CAPN9: variants seen among roughly 807,000 people sequenced by gnomAD.
CAPN9 encodes the protein calpain 9, also known as calpain-9.
Under a neutral mutation model 92.8 loss-of-function variants are expected in CAPN9, and 81 were observed. That is an observed-to-expected ratio of 0.87 (90% CI 0.73 to 1.05). CAPN9 has a LOEUF of 1.05. Among genes scored for constraint, CAPN9 ranks in the 50% least tolerant of loss-of-function variants. The pLI is 0.00. For missense variants in CAPN9, 848 were observed against 866.2 expected (o/e 0.98, Z 0.26); for synonymous variants, 304 against 328.0 (o/e 0.93, Z 0.79).
intron 3 of CAPN9, 21 bp downstream of exon 3, chr1:230,759,651 A>G (rs755297708): frequency 1.3e-6 from 2 of 1,544,154 alleles, no homozygotes; most frequent in East Asian, 4.5e-5. Flanking sequence ...GCCCTGGGCC[A>G]GTGGGTTTAC....
intron 13 of CAPN9, among the ~76,000 whole-genome samples, chr1:230,788,218 A>G (rs925633359): frequency 6.6e-6 from 1 of 152,142 alleles, no homozygotes; most frequent in African/African-American, 2.4e-5. Context: ...CTCTGCCTGA[A>G]AATCACTGCC....
At chr1:230,780,081 C>CGT (rs59033537) in intron 9 of CAPN9, 98 bp from the exon 10 acceptor site, 12,352 of 645,622 alleles carry the variant, frequency 0.019, 119 homozygotes, top group African/African-American at 0.059. Context: ...GGTGTATGTG[C>CGT]GTGTGTGTGT....
At chr1:230,795,347 G>T (rs1668282511) in intron 18 of CAPN9, 68 bp downstream of exon 18, 5 of 906,940 alleles carry the variant, frequency 5.5e-6, no homozygotes, top group Non-Finnish European at 7.3e-6. Flanking sequence ...ATGAGCGCAT[G>T]AGAAACAGCC....
rs544515839 is a variant in CAPN9 at position 230,767,314 on chromosome 1, T to C, written c.537-227T>C. On this transcript the variant is annotated intron_variant, in intron 4 of 19. Coordinates refer to ENST00000271971, the MANE Select transcript of CAPN9 (RefSeq NM_006615.3). Reference sequence around the variant, plus strand: ...CTCAGGCACCAGAGCTGCTGCTCTATACCACCACACCACACTGCCTCCCTT... The same window carrying C: ...CTCAGGCACCAGAGCTGCTGCTCTACACCACCACACCACACTGCCTCCCTT... Among the ~76,000 whole-genome samples, 63 of 152,296 alleles carry C rather than the reference T, an allele frequency of 4.1e-4. 1 individual carries two copies. Among genetic ancestry groups the C allele is most frequent in the Middle Eastern group, 3.4e-3 (1 of 294 alleles).
At position 230,779,037 on chromosome 1, in the gene CAPN9, G is replaced by A. The variant is rs759012112; in HGVS notation, c.1018G>A (p.Ala340Thr). 1 of 1,613,266 alleles carries A rather than the reference G, an allele frequency of 6.2e-7. No homozygotes were observed. Among genetic ancestry groups the A allele is most frequent in the Non-Finnish European group, 8.5e-7 (1 of 1,179,712 alleles). The change falls in exon 9 of 20, where the codon GCC (alanine) becomes ACC (threonine). Residue 340 changes from alanine (A) to threonine (T), a missense_variant. Ala to Thr is a moderately conservative substitution (Grantham distance 58, BLOSUM62 0). Transcript: ENST00000271971. ...KVEICNLTPD[A>T]LEEDAIHKWE... The stretch of plus-strand genomic sequence containing the variant: ...GGAGATCTGCAACCTCACTCCCGAT[G>A]CCCTGGAGGAAGACGCGATCCACAA...
chr1:230,777,313 C>A (rs1222824440), intron 8 of CAPN9, among the ~76,000 whole-genome samples: 2 of 151,988 alleles, frequency 1.3e-5, no homozygotes, highest in Non-Finnish European at 2.9e-5. Context: ...AAGGAGCAGC[C>A]CCAACACCAG....
chr1:230,797,086 T>C (rs1668403791), intron 18 of CAPN9, among the ~76,000 whole-genome samples: 1 of 152,102 alleles, frequency 6.6e-6, no homozygotes, highest in African/African-American at 2.4e-5. Flanking sequence ...TCTCCAGGGG[T>C]GCCTAAAGAA....
chr1:230,781,667 T>C (rs1667234251), intron 11 of CAPN9, among the ~76,000 whole-genome samples: 1 of 152,178 alleles, frequency 6.6e-6, no homozygotes, highest in Non-Finnish European at 1.5e-5. Context: ...TTCTAAAGAT[T>C]AAGGAGAACG....
At chr1:230,747,752 G>A in intron 1 of CAPN9, 43 bp downstream of exon 1, 1 of 1,583,710 alleles carries the variant, frequency 6.3e-7, no homozygotes, top group East Asian at 2.2e-5. Flanking sequence ...TGAGGCCGAG[G>A]TTCAGCAGCC....
At chr1:230,757,574 C>A (rs182029150) in intron 2 of CAPN9, among the ~76,000 whole-genome samples, 1 of 152,012 alleles carries the variant, frequency 6.6e-6, no homozygotes, top group Non-Finnish European at 1.5e-5. Context: ...TGATCTGTTG[C>A]CACCCACAAT....
chr1:230,794,976 C>A (rs1415183073), intron 17 of CAPN9, 187 bp from the exon 18 acceptor site: 1 of 569,354 alleles, frequency 1.8e-6, no homozygotes, highest in Non-Finnish European at 3.2e-6. Flanking sequence ...CAGATTCACA[C>A]TCTCACGCTG....
chr1:230,767,733 T>C (rs1168977855), intron 5 of CAPN9, 24 bp downstream of exon 5: 2 of 1,607,904 alleles, frequency 1.2e-6, no homozygotes, highest in East Asian at 2.2e-5. Context: ...GGGCTCCCAT[T>C]CCAGGCACTA....
At chr1:230,760,409 CT>C (rs1665558228) in intron 3 of CAPN9, among the ~76,000 whole-genome samples, 1 of 152,130 alleles carries the variant, frequency 6.6e-6, no homozygotes, top group Non-Finnish European at 1.5e-5. Flanking sequence ...GTAGGCATTC[CT>C]TGACCTTCCA....
intron 4 of CAPN9, among the ~76,000 whole-genome samples, chr1:230,766,100 T>C (rs1190217064): frequency 2.0e-5 from 3 of 151,938 alleles, no homozygotes; most frequent in Non-Finnish European, 4.4e-5. Flanking sequence ...TTTATTATTA[T>C]TTACTTTTTT....
chr1:230,780,102 G>A (rs1667105597), intron 9 of CAPN9, 77 bp from the exon 10 acceptor site: 4 of 914,124 alleles, frequency 4.4e-6, no homozygotes, highest in African/African-American at 3.3e-5. Flanking sequence ...GTGTGTGTGT[G>A]TGTGTGTGTG....
intron 19 of CAPN9, among the ~76,000 whole-genome samples, chr1:230,800,499 G>A (rs763622664): frequency 1.5e-4 from 23 of 152,232 alleles, no homozygotes; most frequent in African/African-American, 5.5e-4. Context: ...GCAGTGTGGA[G>A]GAAGTATTCC....
chr1:230,792,540 C>A, intron 16 of CAPN9, 46 bp downstream of exon 16: 1 of 1,461,812 alleles, frequency 6.8e-7, no homozygotes, highest in Non-Finnish European at 9.6e-7. Context: ...ACCCAGTGAA[C>A]CTAGAGCAGA....
At chr1:230,760,921 G>C (rs1450207813) in intron 3 of CAPN9, among the ~76,000 whole-genome samples, 1 of 152,146 alleles carries the variant, frequency 6.6e-6, no homozygotes, top group African/African-American at 2.4e-5. Flanking sequence ...CACCTCTTGG[G>C]CTCCCAAAAG....
At chr1:230,765,449 A>G (rs953625996) in intron 4 of CAPN9, among the ~76,000 whole-genome samples, 6 of 152,212 alleles carry the variant, frequency 3.9e-5, no homozygotes, top group Admixed American at 6.5e-5. Flanking sequence ...ACCTGAGGTC[A>G]GGAGTTCGAG....
Sources: gnomAD v4.1 joint callset for allele counts (sites outside exome capture counted in the v4.1 genomes callset) on GRCh38, gnomAD v4.1.1 for gene constraint, MANE v1.5 for transcripts, NCBI Gene and HGNC (gene_info 2026-07-23, HGNC 2026-07-21) for gene names.